CALCR: variants seen among roughly 807,000 people sequenced by gnomAD.
CALCR encodes calcitonin receptor.
A neutral mutation model predicts 59.5 loss-of-function variants in CALCR; 47 were observed. That is an observed-to-expected ratio of 0.79 (90% confidence interval 0.63 to 1.01). The LOEUF (loss-of-function observed/expected upper bound fraction) is 1.01, where lower values mean the gene tolerates loss of function less well. CALCR is among the 50% of genes least tolerant of loss of function. The pLI is 0.00. For missense variants in CALCR, 566 were observed against 597.1 expected (o/e 0.95, Z 0.54); for synonymous variants, 213 against 211.3 (o/e 1.01, Z -0.07).
intron 13 of CALCR, among the ~76,000 whole-genome samples, chr7:93,433,991 C>G (rs1799714607): frequency 6.6e-6 from 1 of 152,196 alleles, no homozygotes; most frequent in African/African-American, 2.4e-5. Context: ...ATAGCTTTCA[C>G]TATTGCTCCT....
At chr7:93,554,953 A>G (rs1256149856) in intron 2 of CALCR, among the ~76,000 whole-genome samples, 1 of 151,782 alleles carries the variant, frequency 6.6e-6, no homozygotes, top group Non-Finnish European at 1.5e-5. Context: ...CTGAAGCATG[A>G]GAAAATTAAA....
At chr7:93,551,641 C>A (rs1266341687) in intron 2 of CALCR, among the ~76,000 whole-genome samples, 2 of 152,108 alleles carry the variant, frequency 1.3e-5, no homozygotes, top group African/African-American at 4.8e-5. Context: ...ATCCCCTGAC[C>A]CTTTGGGAAA....
intron 3 of CALCR, among the ~76,000 whole-genome samples, chr7:93,481,362 G>A (rs539919060): frequency 1.9e-4 from 29 of 151,630 alleles, no homozygotes; most frequent in Non-Finnish European, 3.8e-4. Flanking sequence ...TTGAAGGCCT[G>A]GCTGGACTAG....
At position 93,514,673 on chromosome 7, in the gene CALCR, C is replaced by T. The variant is rs550593419; in HGVS notation, c.-26-27666G>A. Among the ~76,000 whole-genome samples the T allele has an allele frequency of 9.3e-4, 142 of 152,064 alleles. 3 individuals are homozygous for T. Among genetic ancestry groups the T allele is most frequent in the African/African-American group, 3.3e-3 (139 of 41,504 alleles). ...ACTCAGAGTAATTACTTATTGAAAA[C>T]ATTAAGAATGTTCTGATTTGGGGTA... On this transcript the variant is annotated intron_variant, in intron 2 of 13. Coordinates refer to ENST00000426151, the MANE Select transcript of CALCR (RefSeq NM_001742.4).
intron 2 of CALCR, among the ~76,000 whole-genome samples, chr7:93,541,418 C>A (rs868604274): frequency 3.3e-5 from 5 of 152,212 alleles, no homozygotes; most frequent in Admixed American, 6.6e-5. Flanking sequence ...CTGCCTCGGC[C>A]TCCCAAAGTG....
Position 93,519,150 on chromosome 7 carries a change from C to A in CALCR, c.-26-32143G>T, listed in dbSNP as rs530667601. On this transcript the variant is annotated intron_variant, in intron 2 of 13. Transcript: ENST00000426151. Reference sequence around the variant, plus strand: ...CTTATAGACCTTAAAGATGTTCAGTCTTCACTCGTACATACTAATGTTTTC... The same window carrying A: ...CTTATAGACCTTAAAGATGTTCAGTATTCACTCGTACATACTAATGTTTTC... Among the ~76,000 whole-genome samples the A allele has an allele frequency of 1.5e-4, 23 of 152,042 alleles. 1 individual carries two copies. Among genetic ancestry groups the A allele is most frequent in the African/African-American group, 5.3e-4 (22 of 41,516 alleles).
At chr7:93,440,432 T>C (rs73712887) in intron 9 of CALCR, among the ~76,000 whole-genome samples, 3,591 of 152,178 alleles carry the variant, frequency 0.024, 165 homozygotes, top group African/African-American at 0.082. Flanking sequence ...TGCTTAAAAT[T>C]CTAAGAAAGG....
At chr7:93,542,380 T>G (rs1236143554) in intron 2 of CALCR, among the ~76,000 whole-genome samples, 1 of 152,178 alleles carries the variant, frequency 6.6e-6, no homozygotes. Flanking sequence ...GAAATATAGT[T>G]TAAAAGATTT....
intron 12 of CALCR, among the ~76,000 whole-genome samples, chr7:93,434,800 C>T (rs1431332097): frequency 6.6e-6 from 1 of 152,194 alleles, no homozygotes; most frequent in Non-Finnish European, 1.5e-5. Flanking sequence ...GTCCTGGTCA[C>T]TGCTTGAAGA....
intron 2 of CALCR, among the ~76,000 whole-genome samples, chr7:93,534,438 G>A (rs138395264): frequency 4.4e-4 from 67 of 151,828 alleles, no homozygotes; most frequent in African/African-American, 1.6e-3. Context: ...CTCTGGTCAC[G>A]AGTGCATAGA....
At chr7:93,487,654 C>A (rs1354074654) in intron 2 of CALCR, among the ~76,000 whole-genome samples, 1 of 151,408 alleles carries the variant, frequency 6.6e-6, no homozygotes, top group Non-Finnish European at 1.5e-5. Context: ...CATGGCTCTG[C>A]AGATAATTTT....
At chr7:93,500,188 C>T (rs868780471) in intron 2 of CALCR, among the ~76,000 whole-genome samples, 2 of 151,840 alleles carry the variant, frequency 1.3e-5, no homozygotes, top group African/African-American at 2.4e-5. Context: ...TAATCTGTCT[C>T]GCATTAAAGA....
intron 3 of CALCR, among the ~76,000 whole-genome samples, chr7:93,483,466 T>C (rs932844421): frequency 9.4e-5 from 14 of 148,502 alleles, no homozygotes; most frequent in Middle Eastern, 3.5e-3. Flanking sequence ...GACAGACAGA[T>C]AGATAGATAT....
In CALCR at chr7:93,426,510, C is replaced by T. The variant is rs748926357; in HGVS notation, c.1271G>A (p.Arg424His). Residue 424 changes from arginine to histidine, a missense_variant, in exon 14 of 14, where the codon CGC becomes CAC. Transcript: ENST00000426151. ...AGCAGCGGCTGCAGCGCGAGCAGAG[C>T]GGTTGGAGGGGCGCCTCCCCCAACG... Reference protein sequence around the residue: ...NQRWGRRPSNRSARAAAAAAE... With the variant: ...NQRWGRRPSNHSARAAAAAAE... 5 of 1,613,568 alleles carry T rather than the reference C, an allele frequency of 3.1e-6. No homozygotes were observed. The highest frequency in any genetic ancestry group is 4.5e-5 in the East Asian group (2 of 44,836).
chr7:93,546,204 C>T (rs1444145354), intron 2 of CALCR, among the ~76,000 whole-genome samples: 3 of 152,000 alleles, frequency 2.0e-5, no homozygotes, highest in African/African-American at 4.8e-5. Context: ...AGAGCAAACC[C>T]CTATGTCCTG....
chr7:93,574,197 C>G (rs1461891057), intron 2 of CALCR, 92 bp downstream of exon 2: 1 of 152,238 alleles, frequency 6.6e-6, no homozygotes, highest in African/African-American at 2.4e-5. Flanking sequence ...TTTCTATAAT[C>G]AAAAAGCAAG....
At chr7:93,501,716 G>A (rs1366562934) in intron 2 of CALCR, among the ~76,000 whole-genome samples, 2 of 152,084 alleles carry the variant, frequency 1.3e-5, no homozygotes, top group East Asian at 3.9e-4. Context: ...GCTAAAGGAC[G>A]CAGTGCAGAA....
At chr7:93,551,587 T>G (rs1789461393) in intron 2 of CALCR, among the ~76,000 whole-genome samples, 1 of 152,110 alleles carries the variant, frequency 6.6e-6, no homozygotes, top group South Asian at 2.1e-4. Flanking sequence ...ACAGGAAAAG[T>G]AAAGAGGAAT....
At chr7:93,460,720 AT>A (rs933784229) in intron 8 of CALCR, 100 bp downstream of exon 8, 1 of 814,408 alleles carries the variant, frequency 1.2e-6, no homozygotes, top group African/African-American at 1.8e-5. Flanking sequence ...ATGATTACAC[AT>A]GTAAACAGCT....
Sources: allele counts gnomAD v4.1 joint callset (sites outside exome capture counted in the v4.1 genomes callset), GRCh38; gene constraint gnomAD v4.1.1; transcripts MANE v1.5; gene names NCBI Gene and HGNC (gene_info 2026-07-23, HGNC 2026-07-21).